The following MARCHF1 variants were observed in gnomAD, a reference collection of about 807,000 sequenced individuals.
MARCHF1 encodes the protein E3 ubiquitin-protein ligase MARCHF1.
In MARCHF1, 40 loss-of-function variants were observed where a neutral mutation model predicts 54.2. The ratio of observed to expected loss-of-function variants is 0.74; its 90% CI spans 0.57 to 0.96. The LOEUF is 0.96. MARCHF1 is among the 40% of genes least tolerant of loss of function. The pLI, the probability that MARCHF1 is intolerant of heterozygous loss-of-function variation, is 0.00. For synonymous variants in MARCHF1, 236 were observed against 236.3 expected (o/e 1.00, Z 0.01); for missense variants, 586 against 656.5 (o/e 0.89, Z 1.17).
intron 2 of MARCHF1, among the ~76,000 whole-genome samples, chr4:164,041,628 T>C (rs1754131111): frequency 6.6e-6 from 1 of 152,090 alleles, no homozygotes; most frequent in South Asian, 2.1e-4. Flanking sequence ...TTAGCTAGAG[T>C]TGTAGTCCTT....
At chr4:163,626,176 A>G (rs1312467630) in intron 5 of MARCHF1, among the ~76,000 whole-genome samples, 1 of 152,256 alleles carries the variant, frequency 6.6e-6, no homozygotes, top group East Asian at 1.9e-4. Context: ...AAAGTTATTT[A>G]TATCAGCAGT....
chr4:163,750,361 A>G lies in MARCHF1; in HGVS notation c.112-49498T>C, dbSNP rs184289252. Among the ~76,000 whole-genome samples the G allele has an allele frequency of 5.7e-3, 864 of 151,728 alleles. 10 individuals are homozygous for G. The highest frequency in any genetic ancestry group is 0.034 in the Middle Eastern group (10 of 292). The stretch of plus-strand genomic sequence containing the variant: ...CCCATCTCTAATAAAAATACAAAAA[A>G]TTAGCCAGGTGTGGTGGCAGGCAGC... On this transcript the variant is annotated intron_variant, in intron 4 of 9. Transcript: ENST00000514618.
chr4:164,130,873 C>A (rs1348943151), intron 1 of MARCHF1, among the ~76,000 whole-genome samples: 1 of 152,112 alleles, frequency 6.6e-6, no homozygotes, highest in Admixed American at 6.6e-5. Context: ...CTGAATTTTT[C>A]TCTTCCCATT....
At chr4:163,552,862 C>T (rs28452743) in intron 8 of MARCHF1, among the ~76,000 whole-genome samples, 181 of 152,056 alleles carry the variant, frequency 1.2e-3, no homozygotes, top group African/African-American at 4.3e-3. Flanking sequence ...TGAAACCCTG[C>T]ATCTACTAAA....
chr4:164,197,992 G>A (rs1324507340), intron 1 of MARCHF1, among the ~76,000 whole-genome samples: 1 of 151,986 alleles, frequency 6.6e-6, no homozygotes. Flanking sequence ...AATACACAAG[G>A]CACTCCCCTC....
intron 4 of MARCHF1, among the ~76,000 whole-genome samples, chr4:163,722,477 G>A (rs1164301482): frequency 6.6e-6 from 1 of 152,162 alleles, no homozygotes; most frequent in Non-Finnish European, 1.5e-5. Flanking sequence ...GAATAAGTGC[G>A]ATGTGGTGCT....
chr4:163,891,728 C>T (rs4579076), intron 3 of MARCHF1, among the ~76,000 whole-genome samples: 75,051 of 151,976 alleles, frequency 0.49, 19,052 homozygotes, highest in Non-Finnish European at 0.55. Context: ...CTAAGGCTAA[C>T]CCAAACAGAG....
intron 3 of MARCHF1, among the ~76,000 whole-genome samples, chr4:163,910,528 G>A (rs748851923): frequency 4.6e-5 from 7 of 151,954 alleles, no homozygotes; most frequent in African/African-American, 7.3e-5. Context: ...ATAGAGTTTT[G>A]CTCTTGTCCA....
intron 2 of MARCHF1, among the ~76,000 whole-genome samples, chr4:164,018,251 T>C (rs1753588602): frequency 6.6e-6 from 1 of 151,922 alleles, no homozygotes; most frequent in Non-Finnish European, 1.5e-5. Context: ...AATTTTTTTT[T>C]GCTAAAAGAA....
rs374810200 is a variant in MARCHF1, at chr4:164,213,569, T to C, written c.-322-101907A>G. ...ACTTTTAAAAATTCTACGTAACACA[T>C]TGACTACAGACAACAAAACAGGAAT... On this transcript the variant is annotated intron_variant, in intron 1 of 9. Coordinates refer to ENST00000514618, the MANE Select transcript of MARCHF1 (RefSeq NM_001394959.1). Among the ~76,000 whole-genome samples the C allele has an allele frequency of 4.2e-4, 64 of 152,064 alleles. 1 individual carries two copies. In the East Asian group the frequency reaches 5.6e-3, roughly 13 times the overall value.
intron 4 of MARCHF1, among the ~76,000 whole-genome samples, chr4:163,735,167 C>T (rs929389066): frequency 6.6e-6 from 1 of 152,138 alleles, no homozygotes; most frequent in Non-Finnish European, 1.5e-5. Context: ...GAAAGCTTCC[C>T]TGGCCACACT....
intron 3 of MARCHF1, among the ~76,000 whole-genome samples, chr4:163,927,992 T>G (rs536262064): frequency 4.6e-5 from 7 of 151,994 alleles, no homozygotes; most frequent in East Asian, 1.9e-4. Flanking sequence ...CCAAGTTCTC[T>G]TTTTTTAATG....
chr4:163,741,937 A>T (rs1387680397), intron 4 of MARCHF1, among the ~76,000 whole-genome samples: 1 of 152,218 alleles, frequency 6.6e-6, no homozygotes, highest in Non-Finnish European at 1.5e-5. Flanking sequence ...ACAATTTGTT[A>T]TTTTAATTTC....
intron 3 of MARCHF1, among the ~76,000 whole-genome samples, chr4:163,885,820 C>T (rs1042926863): frequency 1.3e-5 from 2 of 151,236 alleles, no homozygotes; most frequent in Admixed American, 6.6e-5. Flanking sequence ...ATTTGTAATC[C>T]CAGCACTTTG....
chr4:163,679,616 C>CTTT (rs553157232), intron 5 of MARCHF1, among the ~76,000 whole-genome samples: 1 of 144,160 alleles, frequency 6.9e-6, no homozygotes, highest in Non-Finnish European at 1.5e-5. Context: ...ATCTCCAATT[C>CTTT]TTTTTTTTTT....
intron 1 of MARCHF1, among the ~76,000 whole-genome samples, chr4:164,132,926 G>A (rs1756331798): frequency 1.3e-5 from 2 of 151,978 alleles, no homozygotes; most frequent in Admixed American, 1.3e-4. Context: ...TGCTCACTGT[G>A]TCATAAATTT....
intron 2 of MARCHF1, among the ~76,000 whole-genome samples, chr4:164,096,310 C>T (rs953179926): frequency 3.3e-5 from 5 of 152,038 alleles, no homozygotes; most frequent in Admixed American, 6.6e-5. Flanking sequence ...CAAACTAACA[C>T]AGAAACAGAA....
intron 3 of MARCHF1, among the ~76,000 whole-genome samples, chr4:163,896,471 G>A (rs1750808474): frequency 6.6e-6 from 1 of 152,180 alleles, no homozygotes; most frequent in Admixed American, 6.5e-5. Context: ...GGATTTCTCA[G>A]AATCTAATGA....
chr4:163,789,095 T>C (rs1747700011), intron 4 of MARCHF1, among the ~76,000 whole-genome samples: 1 of 152,102 alleles, frequency 6.6e-6, no homozygotes, highest in South Asian at 2.1e-4. Flanking sequence ...AGAAAGATTT[T>C]TCTCTTTTTC....
Sources: gnomAD v4.1 joint callset for allele counts (sites outside exome capture counted in the v4.1 genomes callset) on GRCh38, gnomAD v4.1.1 for gene constraint, MANE v1.5 for transcripts, NCBI Gene and HGNC (gene_info 2026-07-23, HGNC 2026-07-21) for gene names.